ODF4: variants seen among roughly 807,000 people sequenced by gnomAD.
ODF4 encodes outer dense fiber of sperm tails 4.
In ODF4, 11 loss-of-function variants were observed where a neutral mutation model predicts 17.0. The observed-to-expected ratio is 0.65, with a 90% CI of 0.41 to 1.07. The LOEUF (loss-of-function observed/expected upper bound fraction) is 1.07. ODF4 is among the 50% of genes least tolerant of loss of function. The probability of loss-of-function intolerance (pLI) is 0.00; values close to 1 mark genes in which losing one functional copy is unlikely to be tolerated. For synonymous variants in ODF4, 127 were observed against 121.8 expected (o/e 1.04, Z -0.28); for missense variants, 281 against 310.2 (o/e 0.91, Z 0.71).
chr17:8,344,836 T>C, intron 1 of ODF4: 2 of 982,478 alleles, frequency 2.0e-6, no homozygotes, highest in Non-Finnish European at 2.4e-6. Context: ...CTTTTGTAAA[T>C]CCTTAGTTGA....
chr17:8,341,030 A>G (rs1905990352), intron 1 of ODF4, among the ~76,000 whole-genome samples: 1 of 152,142 alleles, frequency 6.6e-6, no homozygotes, highest in African/African-American at 2.4e-5. Context: ...CTCTACTAAA[A>G]ATACAAAAAA....
rs150896157 is a variant in ODF4, at chr17:8,339,990, T to G, written c.-62T>G. 1.2e-5 allele frequency: 13 copies of G among 1,097,660 alleles called. No individual in the cohort carries two copies. The highest frequency in any genetic ancestry group is 1.7e-5 in the Non-Finnish European group (13 of 771,838). 68.0% of individuals were successfully genotyped at this position (1,097,660 alleles called of 1,614,324 possible). Reference sequence around the variant, plus strand: ...GCAGCTGATGAAAATATCCAAAAGATGAGAAGAGACAATTGAGTCTGGTGA... The same window carrying G: ...GCAGCTGATGAAAATATCCAAAAGAGGAGAAGAGACAATTGAGTCTGGTGA... On this transcript the variant is annotated 5_prime_UTR_variant, in exon 1 of 3. An upstream start codon of the reference 5' UTR is lost. Transcript: ENST00000328248.
At position 8,340,185 on chromosome 17, in the gene ODF4, T is replaced by G. The variant is rs1905949464; in HGVS notation, c.134T>G (p.Leu45Arg). ...GGTGAGCTGGGACAAGATGGGAGACTGCTGTCCTCCACCCTCTCCCTCAGT... is the reference window on the plus strand; with the variant it reads ...GGTGAGCTGGGACAAGATGGGAGACGGCTGTCCTCCACCCTCTCCCTCAGT... ...GTGELGQDGR[L>R]LSSTLSLSSN... The change falls in exon 1 of 3, where the codon CTG becomes CGG. Residue 45 changes from leucine to arginine, a missense_variant. Coordinates refer to ENST00000328248, the MANE Select transcript of ODF4 (RefSeq NM_153007.5). The G allele has an allele frequency of 6.2e-7, 1 of 1,607,208 alleles. No homozygotes were observed. The highest frequency in any genetic ancestry group is 2.2e-5 in the East Asian group (1 of 44,792).
At chr17:8,342,026 CAGAG>C (rs1381613639) in intron 1 of ODF4, among the ~76,000 whole-genome samples, 1 of 152,176 alleles carries the variant, frequency 6.6e-6, no homozygotes, top group East Asian at 1.9e-4. Flanking sequence ...AATTGGGACT[CAGAG>C]AGATTAAGTA....
rs764895892 is a variant in ODF4 at position 8,345,420 on chromosome 17, C to T, written c.532C>T (p.Pro178Ser). The T allele has an allele frequency of 2.5e-6, 4 of 1,613,590 alleles. No homozygotes were observed. The highest frequency in any genetic ancestry group is 3.3e-4 in the Middle Eastern group (2 of 6,082). ...CGAGTTGGAAAGGAATGTATCCATC[C>T]CCATAGGCTGGAGCTATTTCATTGG... ...IFELERNVSI[P>S]IGWSYFIGWL... Residue 178 changes from proline (P) to serine (S), a missense_variant, in exon 2 of 3, where the codon CCC becomes TCC. Transcript: ENST00000328248. The surrounding 1 kb of genome is among the most constrained non-coding windows in gnomAD (Gnocchi z 4.1).
intron 1 of ODF4, among the ~76,000 whole-genome samples, chr17:8,341,429 T>C (rs1327574910): frequency 2.6e-5 from 4 of 152,158 alleles, no homozygotes; most frequent in African/African-American, 9.7e-5. Flanking sequence ...ACATCTGGCT[T>C]CTGTGTTCCT....
Position 8,340,653 on chromosome 17 carries a change from T to A in ODF4, c.454+148T>A. The A allele has an allele frequency of 5.0e-6, 3 of 605,310 alleles. No homozygotes were observed. In the South Asian group the frequency reaches 6.0e-5, roughly 12 times the overall value. The allele number at this position is 605,310 out of a possible 1,614,324, so 37.5% of individuals were successfully genotyped here. On this transcript the variant is annotated intron_variant, in intron 1 of 2. Coordinates refer to ENST00000328248, the MANE Select transcript of ODF4 (RefSeq NM_153007.5). ...GTTCCACTGGCACTGAGACCTCCGA[T>A]GATCGTTTCTCATCCTGTAGCCTGG...
In ODF4 at chr17:8,340,060, A is replaced by C. The variant is rs1905941486; in HGVS notation, c.9A>C (p.Ala3=). 1.4e-5 allele frequency: 21 copies of C among 1,517,070 alleles called. No homozygotes were observed. Among genetic ancestry groups the C allele is most frequent in the Non-Finnish European group, 1.8e-5 (20 of 1,133,698 alleles). The allele number at this position is 1,517,070 out of a possible 1,614,324, so 94.0% of individuals were successfully genotyped here. Residue 3 remains alanine (A), a synonymous_variant, in exon 1 of 3, where the codon GCA becomes GCC. Transcript: ENST00000328248. Reference sequence around the variant, plus strand: ...GTGAAGTGGTGCTCAAGATGGATGCAGAGTACTCTGGGAATGAGTTCCCCA... The same window carrying C: ...GTGAAGTGGTGCTCAAGATGGATGCCGAGTACTCTGGGAATGAGTTCCCCA... MD[A]EYSGNEFPRS...
Position 8,345,240 on chromosome 17 carries a change from CTG to C in ODF4, c.455-96_455-95del, listed in dbSNP as rs1906186513. On this transcript the variant is annotated intron_variant, in intron 1 of 2. Coordinates refer to ENST00000328248, the MANE Select transcript of ODF4 (RefSeq NM_153007.5). This position sits in a 1 kb window ranked among gnomAD's most constrained non-coding sequence, Gnocchi z 4.1. ...TCCTGGAACCTCAGGGCCAGTCACT[CTG>C]TGTGTGGTGATGTGGTTTGTGGCTG... 9 of 1,091,352 alleles carry C rather than the reference CTG, an allele frequency of 8.2e-6. No individual in the cohort carries two copies. The Admixed American group carries it at 1.5e-4, about 18-fold the overall frequency. 67.6% of individuals were successfully genotyped at this position (1,091,352 alleles called of 1,614,324 possible). A position where few individuals can be genotyped will look rare whatever the true frequency, so the allele number is the denominator to read the frequency against.
At chr17:8,341,682 T>A (rs1362056398) in intron 1 of ODF4, among the ~76,000 whole-genome samples, 1 of 152,088 alleles carries the variant, frequency 6.6e-6, no homozygotes, top group African/African-American at 2.4e-5. Flanking sequence ...AGTCTCTGGT[T>A]ATGCTGTTCC....
At position 8,343,874 on chromosome 17, in the gene ODF4, C is replaced by T. The variant is rs1483323965; in HGVS notation, c.455-1469C>T. On this transcript the variant is annotated intron_variant, in intron 1 of 2. Transcript: ENST00000328248. Reference sequence around the variant, plus strand: ...TCTATATATATATAGACTGCAACCTCAGCTTCCTGGGATCAAGCGATTCTC... The same window carrying T: ...TCTATATATATATAGACTGCAACCTTAGCTTCCTGGGATCAAGCGATTCTC... Among the ~76,000 whole-genome samples, 12 of 118,372 alleles carry T rather than the reference C, an allele frequency of 1.0e-4. 4 individuals are homozygous for T. The highest frequency in any genetic ancestry group is 4.4e-4 in the African/African-American group (12 of 27,094). The allele number at this position is 118,372 out of a possible 152,430, so 77.7% of individuals were successfully genotyped here. A position where few individuals can be genotyped will look rare whatever the true frequency, so the allele number is the denominator to read the frequency against.
rs779760334 is a variant in ODF4 at position 8,345,306 on chromosome 17, T to G, written c.455-37T>G. 3.8e-6 allele frequency: 6 copies of G among 1,597,084 alleles called. No individual in the cohort carries two copies. Among genetic ancestry groups the G allele is most frequent in the Non-Finnish European group, 4.3e-6 (5 of 1,169,030 alleles). On this transcript the variant is annotated intron_variant, in intron 1 of 2. Transcript: ENST00000328248. This position sits in a 1 kb window ranked among gnomAD's most constrained non-coding sequence, Gnocchi z 4.1. ...GAGGAAGAACCTCCTGTGGGACTCT[T>G]GTATGACAATGAGACCCTCTGCCTC...
chr17:8,345,726 T>C lies in ODF4; in HGVS notation c.648T>C (p.Ser216=). The change falls in exon 3 of 3, where the codon AGT becomes AGC. Residue 216 remains serine (S), a synonymous_variant. Coordinates refer to ENST00000328248, the MANE Select transcript of ODF4 (RefSeq NM_153007.5). The surrounding 1 kb of genome is among the most constrained non-coding windows in gnomAD (Gnocchi z 4.1). ...SFWSLILSHP[S]GAVSCSSSFG... ...GGAGTCTGATTCTGAGCCACCCCAG[T>C]GGTGCCGTGTCCTGCAGCAGCAGTT... 1 of 1,614,138 alleles carries C rather than the reference T, an allele frequency of 6.2e-7. No homozygotes were observed. Among genetic ancestry groups the C allele is most frequent in the Non-Finnish European group, 8.5e-7 (1 of 1,180,002 alleles).
chr17:8,345,587 A>G lies in ODF4; in HGVS notation c.590-81A>G. The G allele has an allele frequency of 6.5e-7, 1 of 1,531,024 alleles. No individual in the cohort carries two copies. The highest frequency in any genetic ancestry group is 9.0e-7 in the Non-Finnish European group (1 of 1,113,864). The allele number at this position is 1,531,024 out of a possible 1,614,324, so 94.8% of individuals were successfully genotyped here. A position where few individuals can be genotyped will look rare whatever the true frequency, so the allele number is the denominator to read the frequency against. Reference sequence around the variant, plus strand: ...CCCAGGGCTAGATTTTTAGGGTCTTATCTTCCCTTTGGTCTCACCCTACTT... The same window carrying G: ...CCCAGGGCTAGATTTTTAGGGTCTTGTCTTCCCTTTGGTCTCACCCTACTT... On this transcript the variant is annotated intron_variant, in intron 2 of 2. Transcript: ENST00000328248. The surrounding 1 kb of genome is among the most constrained non-coding windows in gnomAD (Gnocchi z 4.1).
At chr17:8,340,680 T>G (rs543052899) in intron 1 of ODF4, among the ~76,000 whole-genome samples, 175 bp downstream of exon 1, 1 of 152,280 alleles carries the variant, frequency 6.6e-6, no homozygotes, top group South Asian at 2.1e-4. Context: ...GTAGCCTGGC[T>G]AAATAGATTT....
chr17:8,340,180 G>GA lies in ODF4; in HGVS notation c.130dup (p.Arg44LysfsTer11). 6.2e-7 allele frequency: 1 copy of GA among 1,604,210 alleles called. No homozygotes were observed. The highest frequency in any genetic ancestry group is 8.5e-7 in the Non-Finnish European group (1 of 1,174,218). Reference sequence around the variant, plus strand: ...GCACAGGTGAGCTGGGACAAGATGGGAGACTGCTGTCCTCCACCCTCTCCC... The same window carrying GA: ...GCACAGGTGAGCTGGGACAAGATGGGAAGACTGCTGTCCTCCACCCTCTCCC... On this transcript the variant is annotated frameshift_variant, in exon 1 of 3. Transcript: ENST00000328248. LOFTEE classifies it high-confidence loss of function.
At chr17:8,342,197 G>A (rs1301313256) in intron 1 of ODF4, among the ~76,000 whole-genome samples, 4 of 152,234 alleles carry the variant, frequency 2.6e-5, no homozygotes, top group African/African-American at 7.2e-5. Context: ...AACTCACATA[G>A]GCGCCTTGCT....
Position 8,340,130 on chromosome 17 carries a change from AG to A in ODF4, c.81del (p.Lys28ArgfsTer120). The A allele has an allele frequency of 6.4e-7, 1 of 1,557,690 alleles. No individual in the cohort carries two copies. Among genetic ancestry groups the A allele is most frequent in the Non-Finnish European group, 8.7e-7 (1 of 1,154,018 alleles). On this transcript the variant is annotated frameshift_variant, in exon 1 of 3. Transcript: ENST00000328248. LOFTEE classifies it high-confidence loss of function. ...RDQHQRPGKERKSGEAGWGTG... is the reference protein window; with the variant it reads ...RDQHQRPGKEXKSGEAGWGTG... ...CCAACATCAGAGACCTGGAAAGGAA[AG>A]GAAGAGTGGGGAGGCAGGATGGGGC...
At position 8,339,883 on chromosome 17, in the gene ODF4, C is replaced by G. The variant is rs1905933781; in HGVS notation, c.-169C>G. 4.6e-6 allele frequency: 2 copies of G among 432,284 alleles called. No individual in the cohort carries two copies. The highest frequency in any genetic ancestry group is 1.4e-4 in the South Asian group (2 of 14,610). The allele number at this position is 432,284 out of a possible 1,614,324, so 26.8% of individuals were successfully genotyped here. On this transcript the variant is annotated 5_prime_UTR_variant, in exon 1 of 3. Coordinates refer to ENST00000328248, the MANE Select transcript of ODF4 (RefSeq NM_153007.5). ...GGCCTGCTGAATGGGTTGGGGCCTTCTCTTGGATCAAGAGTCTCTTATTTG... is the reference window on the plus strand; with the variant it reads ...GGCCTGCTGAATGGGTTGGGGCCTTGTCTTGGATCAAGAGTCTCTTATTTG...
Sources: allele counts gnomAD v4.1 joint callset (sites outside exome capture counted in the v4.1 genomes callset), GRCh38; gene constraint gnomAD v4.1.1; non-coding constraint Gnocchi (gnomAD v3.1); transcripts MANE v1.5; gene names NCBI Gene and HGNC (gene_info 2026-07-23, HGNC 2026-07-21).